FAM9C: variants seen among roughly 807,000 people sequenced by gnomAD.
The protein encoded by FAM9C is protein FAM9C.
Under a neutral mutation model 14.8 loss-of-function variants are expected in FAM9C, and 15 were observed. The observed-to-expected ratio is 1.02, with a 90% CI of 0.68 to 1.56. The LOEUF is 1.56. Ranked by LOEUF, FAM9C falls within the 40% of genes most tolerant of loss-of-function variation. FAM9C has a pLI of 0.00. For missense variants in FAM9C, 116 were observed against 118.0 expected (o/e 0.98, Z 0.08); for synonymous variants, 45 against 37.5 (o/e 1.20, Z -0.74).
In FAM9C at chrX:13,040,808, G is replaced by A. The variant is rs148405468; in HGVS notation, c.279C>T (p.Ser93=). 6 of 1,191,282 alleles carry A rather than the reference G, an allele frequency of 5.0e-6. No homozygotes were observed. In the African/African-American group the frequency reaches 5.3e-5, roughly 11 times the overall value. The change falls in exon 5 of 8, where the codon AGC becomes AGT. Residue 93 remains serine, a synonymous_variant. Transcript: ENST00000380625. ...CATTTTTAATTCTGTTCTTTATTTCGCTGCAAGCTTTTGCAATCTTTTCAA... is the reference window on the plus strand; with the variant it reads ...CATTTTTAATTCTGTTCTTTATTTCACTGCAAGCTTTTGCAATCTTTTCAA... ...KRIEKIAKAC[S]EIKNRIKNVL... is the part of the protein sequence containing the mutation.
At chrX:13,043,630 G>A (rs980708112) in intron 2 of FAM9C, 99 bp downstream of exon 2, 3 of 1,028,510 alleles carry the variant, frequency 2.9e-6, no homozygotes, top group African/African-American at 3.7e-5. Context: ...AAGCCACGAA[G>A]GGGCCGGGGG....
At chrX:13,043,273 C>G (rs374113404) in intron 2 of FAM9C, 25 bp from the exon 3 acceptor site, 1 of 1,181,670 alleles carries the variant, frequency 8.5e-7, no homozygotes, top group East Asian at 3.0e-5. Flanking sequence ...AAAAGACAAA[C>G]CTTTTTTAGA....
chrX:13,040,868 G>A lies in FAM9C; in HGVS notation c.219C>T (p.Asp73=), dbSNP rs1569136016. ...TCTTTGCAGCAAGATGCTCTTTAAT[G>A]TCAGCTAGATAGTAAATGAATATGC... is the stretch of plus-strand genomic sequence containing the variant. ...DTKELEDIAA[D]IKEHLAAKRK... is the part of the protein sequence containing the mutation. The change falls in exon 5 of 8, where the codon GAC becomes GAT. Residue 73 remains aspartate (D), a synonymous_variant. Transcript: ENST00000380625. 1 of 1,144,425 alleles carries A rather than the reference G, an allele frequency of 8.7e-7. No individual in the cohort carries two copies. The highest frequency in any genetic ancestry group is 1.2e-6 in the Non-Finnish European group (1 of 851,166). 94.3% of individuals were successfully genotyped at this position (1,144,425 alleles called of 1,213,427 possible).
intron 6 of FAM9C, among the ~76,000 whole-genome samples, chrX:13,039,028 T>C (rs758281267): frequency 1.4e-4 from 16 of 111,435 alleles, no homozygotes; most frequent in Non-Finnish European, 2.6e-4. Flanking sequence ...ATCTACATAA[T>C]ATTAATAATA....
rs771785770 is a variant in FAM9C, at chrX:13,038,397, G to A, written c.*25+19C>T. 8.9e-7 allele frequency: 1 copy of A among 1,117,998 alleles called. No homozygotes were observed. Among genetic ancestry groups the A allele is most frequent in the Admixed American group, 2.7e-5 (1 of 36,585 alleles). 92.1% of individuals were successfully genotyped at this position (1,117,998 alleles called of 1,213,427 possible). ...GTTGTATTTTATAAGAACGTATTGT[G>A]TTACCAAATAGAACAGACCTTTGTG... On this transcript the variant is annotated intron_variant, in intron 7 of 7. Transcript: ENST00000380625.
At position 13,043,163 on chromosome X, in the gene FAM9C, T is replaced by C. The variant is rs2147293396; in HGVS notation, c.147A>G (p.Glu49=). The C allele has an allele frequency of 8.3e-7, 1 of 1,210,979 alleles. No homozygotes were observed. Among genetic ancestry groups the C allele is most frequent in the Non-Finnish European group, 1.1e-6 (1 of 895,244 alleles). Residue 49 remains glutamate, a synonymous_variant, in exon 3 of 8, where the codon GAA becomes GAG. Transcript: ENST00000380625. ...KEGDVTDEHG[E]RGSFAETDEH... ...CATCTGTTTCAGCAAAAGATCCTCT[T>C]TCCCCATGCTCATCAGTTACATCTC... is the stretch of plus-strand genomic sequence containing the variant.
At chrX:13,037,828 T>G (rs1306438987) in intron 7 of FAM9C, 3 of 113,565 alleles carry the variant, frequency 2.6e-5, no homozygotes, top group African/African-American at 9.7e-5. Context: ...CCCATTCTGT[T>G]ATACATCTGA....
chrX:13,044,097 G>T (rs1293376720), intron 1 of FAM9C, among the ~76,000 whole-genome samples: 1 of 112,119 alleles, frequency 8.9e-6, no homozygotes, highest in African/African-American at 3.2e-5. Context: ...GACAGAGCCT[G>T]GCCCTGCCCC....
chrX:13,036,926 A>C (rs2043484632), intron 7 of FAM9C: 1 of 112,509 alleles, frequency 8.9e-6, no homozygotes, highest in African/African-American at 3.3e-5. Context: ...ATCAAAAAAA[A>C]AAAAGGACTT....
chrX:13,044,334 C>T (rs1292474469), intron 1 of FAM9C, among the ~76,000 whole-genome samples: 1 of 80,538 alleles, frequency 1.2e-5, no homozygotes, highest in Non-Finnish European at 2.5e-5. Flanking sequence ...CCCCCCCAAA[C>T]GCTGCACACA....
At chrX:13,043,604 T>A (rs561326926) in intron 2 of FAM9C, 125 bp downstream of exon 2, 5 of 835,308 alleles carry the variant, frequency 6.0e-6, no homozygotes, top group Non-Finnish European at 8.8e-6. Context: ...TCTCAGCACA[T>A]GCACGGTGAG....
intron 7 of FAM9C, chrX:13,036,775 T>C (rs2043483008): frequency 8.9e-6 from 1 of 111,941 alleles, no homozygotes; most frequent in African/African-American, 3.3e-5. Context: ...ATCTCTTCCA[T>C]ATTCCTGTGA....
chrX:13,036,793 A>T (rs1465308767), intron 7 of FAM9C: 2 of 112,149 alleles, frequency 1.8e-5, no homozygotes, highest in Non-Finnish European at 3.8e-5. Context: ...TGACATGAGC[A>T]AATATGCACG....
chrX:13,041,663 T>C (rs1352118738), intron 4 of FAM9C: 1 of 112,558 alleles, frequency 8.9e-6, no homozygotes, highest in Non-Finnish European at 1.9e-5. Context: ...ATTAACTATA[T>C]TTTAATAAAA....
At chrX:13,041,831 G>A (rs2043530398) in intron 4 of FAM9C, 1 of 111,820 alleles carries the variant, frequency 8.9e-6, no homozygotes. Context: ...TCCTAAACAT[G>A]GTTTCACATG....
intron 7 of FAM9C, chrX:13,036,743 A>C (rs2043482701): frequency 9.0e-6 from 1 of 111,730 alleles, no homozygotes; most frequent in South Asian, 3.7e-4. Context: ...ATGCTGAGGA[A>C]GATGTAAAAA....
In FAM9C at chrX:13,042,897, C is replaced by T. The variant is rs1332752405; in HGVS notation, c.214+21G>A. 7.5e-6 allele frequency: 9 copies of T among 1,207,092 alleles called. No individual in the cohort carries two copies. In the African/African-American group the frequency reaches 1.6e-4, roughly 21 times the overall value. ...GGTTGAAAACAATTTTCATAAACCACAAATAGCTCGTAAAACATACCTGCA... is the reference window on the plus strand; with the variant it reads ...GGTTGAAAACAATTTTCATAAACCATAAATAGCTCGTAAAACATACCTGCA... On this transcript the variant is annotated intron_variant, in intron 4 of 7. Coordinates refer to ENST00000380625, the MANE Select transcript of FAM9C (RefSeq NM_174901.6).
At chrX:13,042,873 G>C in intron 4 of FAM9C, 45 bp downstream of exon 4, 2 of 1,198,721 alleles carry the variant, frequency 1.7e-6, no homozygotes, top group South Asian at 1.8e-5. Context: ...GGGTTGTATG[G>C]TTGAAAACAA....
chrX:13,035,820 C>T lies in FAM9C; in HGVS notation c.*224G>A, dbSNP rs1295658271. On this transcript the variant is annotated 3_prime_UTR_variant, in exon 8 of 8. Coordinates refer to ENST00000380625, the MANE Select transcript of FAM9C (RefSeq NM_174901.6). ...GGGTTCATTCAACAGATCATAGAAACGTGGTCTGGCATTTAACAAACAGAC... is the reference window on the plus strand; with the variant it reads ...GGGTTCATTCAACAGATCATAGAAATGTGGTCTGGCATTTAACAAACAGAC... 4 of 112,091 alleles carry T rather than the reference C, an allele frequency of 3.6e-5. No homozygotes were observed. The highest frequency in any genetic ancestry group is 2.8e-4 in the Admixed American group (3 of 10,571). The allele number at this position is 112,091 out of a possible 1,213,427, so 9.2% of individuals were successfully genotyped here.
Sources: gnomAD v4.1 joint callset for allele counts (sites outside exome capture counted in the v4.1 genomes callset) on GRCh38, gnomAD v4.1.1 for gene constraint, MANE v1.5 for transcripts, NCBI Gene and HGNC (gene_info 2026-07-23, HGNC 2026-07-21) for gene names.